Variants in LGR6 observed in about 807,000 individuals in gnomAD.
LGR6 encodes the protein leucine rich repeat containing G protein-coupled receptor 6.
In LGR6, 45 loss-of-function variants were observed where a neutral mutation model predicts 69.4. The ratio of observed to expected loss-of-function variants is 0.65; its 90% CI spans 0.51 to 0.83. The LOEUF (loss-of-function observed/expected upper bound fraction) is 0.83. Among genes scored for constraint, LGR6 ranks in the 40% least tolerant of loss-of-function variants. The probability of loss-of-function intolerance (pLI) is 0.00; values close to 1 mark genes in which losing one functional copy is unlikely to be tolerated. For synonymous variants in LGR6, 538 were observed against 555.0 expected, an observed-to-expected ratio of 0.97 and a Z score of 0.43; for missense variants, 1,108 against 1,246.7, an observed-to-expected ratio of 0.89 and a Z score of 1.68.
In LGR6 at chr1:202,193,836, C is replaced by G. The variant is rs973425226; in HGVS notation, c.-154C>G. On this transcript the variant is annotated 5_prime_UTR_variant, in exon 1 of 18. Transcript: ENST00000367278. ...CTGCCCCTCTCTGACTGCACCGTCC[C>G]GGCGCTCCCACCGCCGCCGCCGCCG... The G allele has an allele frequency of 1.2e-5, 4 of 322,776 alleles. No homozygotes were observed. The highest frequency in any genetic ancestry group is 1.1e-4 in the East Asian group (2 of 18,282). 20.0% of individuals were successfully genotyped at this position (322,776 alleles called of 1,614,324 possible).
Position 202,276,496 on chromosome 1 carries a change from C to T in LGR6, c.619C>T (p.Gln207Ter). The T allele has an allele frequency of 5.0e-6, 8 of 1,614,034 alleles. No individual in the cohort carries two copies. Among genetic ancestry groups the T allele is most frequent in the Non-Finnish European group, 6.8e-6 (8 of 1,179,956 alleles). ...RISHIPDYAF[Q>*]NLTSLVVLHL... ...CAGCCACATCCCCGACTACGCGTTC[C>T]AGAATCTCACCAGCCTTGTGGTGCT... The change falls in exon 5 of 18, where the codon CAG (glutamine) becomes TAG (stop). Residue 207 changes from glutamine (Q) to a stop codon, truncating the protein, a stop_gained. Transcript: ENST00000367278. LOFTEE classifies it high-confidence loss of function.
chr1:202,219,114 C>G (rs1012512611), intron 1 of LGR6, among the ~76,000 whole-genome samples: 1 of 152,218 alleles, frequency 6.6e-6, no homozygotes, highest in Non-Finnish European at 1.5e-5. Flanking sequence ...TACCCCATCA[C>G]CTGCTTCTCT....
intron 4 of LGR6, among the ~76,000 whole-genome samples, chr1:202,274,711 A>G (rs1182443779): frequency 6.6e-6 from 1 of 152,188 alleles, no homozygotes; most frequent in African/African-American, 2.4e-5. Context: ...GGGAGTCCAC[A>G]TTAACACAAA....
chr1:202,301,326 C>G lies in LGR6; in HGVS notation c.929+91C>G. The G allele has an allele frequency of 3.6e-6, 4 of 1,119,128 alleles. No individual in the cohort carries two copies. The East Asian group carries it at 9.6e-5, about 27-fold the overall frequency. The allele number at this position is 1,119,128 out of a possible 1,614,324, so 69.3% of individuals were successfully genotyped here. A position where few individuals can be genotyped will look rare whatever the true frequency, so the allele number is the denominator to read the frequency against. ...TCCTGCCTATCGCCTGCGGATCTCT[C>G]CCTTGCAAGGCACAAGTCCACTGCA... On this transcript the variant is annotated intron_variant, in intron 9 of 17. Transcript: ENST00000367278.
At chr1:202,228,099 C>G (rs1460161574) in intron 3 of LGR6, 92 bp downstream of exon 3, 12 of 817,400 alleles carry the variant, frequency 1.5e-5, no homozygotes, top group Non-Finnish European at 2.4e-5. Flanking sequence ...TGGTTTACCA[C>G]TGACTTGCTT....
At chr1:202,204,358 C>CCAAA (rs1259592717) in intron 1 of LGR6, among the ~76,000 whole-genome samples, 1 of 110,734 alleles carries the variant, frequency 9.0e-6, no homozygotes, top group Non-Finnish European at 1.9e-5. Flanking sequence ...ACACACACCT[C>CCAAA]CACACACACA....
intron 4 of LGR6, among the ~76,000 whole-genome samples, chr1:202,248,257 A>T (rs949875104): frequency 1.3e-5 from 2 of 152,156 alleles, no homozygotes; most frequent in Non-Finnish European, 2.9e-5. Context: ...AGGTGAGGAA[A>T]CCAAGCAGTT....
At chr1:202,225,581 G>A (rs563950981) in intron 2 of LGR6, 87 bp downstream of exon 2, 1 of 1,233,888 alleles carries the variant, frequency 8.1e-7, no homozygotes, top group Non-Finnish European at 1.2e-6. Flanking sequence ...GTGGGGTGGA[G>A]AGAAGAGAAA....
intron 6 of LGR6, among the ~76,000 whole-genome samples, chr1:202,294,818 A>G (rs1667031873): frequency 1.3e-5 from 2 of 152,192 alleles, no homozygotes; most frequent in Non-Finnish European, 2.9e-5. Flanking sequence ...AATCTACCAC[A>G]CTGGATAAGG....
At chr1:202,297,011 G>C (rs575586307) in intron 6 of LGR6, among the ~76,000 whole-genome samples, 1 of 152,182 alleles carries the variant, frequency 6.6e-6, no homozygotes, top group Non-Finnish European at 1.5e-5. Context: ...AAGTGTAAGA[G>C]AAAATAGCTG....
At chr1:202,245,265 T>C (rs550661657) in intron 4 of LGR6, among the ~76,000 whole-genome samples, 81 of 116,858 alleles carry the variant, frequency 6.9e-4, no homozygotes, top group Non-Finnish European at 6.9e-4. Flanking sequence ...GGGAGTTGAT[T>C]ACCACATACG....
At chr1:202,282,349 C>T (rs548068058) in intron 6 of LGR6, among the ~76,000 whole-genome samples, 1 of 152,296 alleles carries the variant, frequency 6.6e-6, no homozygotes, top group South Asian at 2.1e-4. Context: ...CAGTTAGAGA[C>T]AGAGCAGATC....
At chr1:202,237,030 G>A (rs945969485) in intron 4 of LGR6, among the ~76,000 whole-genome samples, 1 of 152,088 alleles carries the variant, frequency 6.6e-6, no homozygotes, top group Admixed American at 6.5e-5. Flanking sequence ...TAGCAGCTGT[G>A]CCACACCCCC....
chr1:202,280,500 AG>A lies in LGR6; in HGVS notation c.645-276del, dbSNP rs1356513038. On this transcript the variant is annotated intron_variant, in intron 5 of 17. Coordinates refer to ENST00000367278, the MANE Select transcript of LGR6 (RefSeq NM_001017403.2). Reference sequence around the variant, plus strand: ...ACATCAGACCTGTCTTCTAGAGCTTAGGGGGAACTTGCTTTAGCCTTGGCCT... The same window carrying A: ...ACATCAGACCTGTCTTCTAGAGCTTAGGGGAACTTGCTTTAGCCTTGGCCT... Among the ~76,000 whole-genome samples the A allele has an allele frequency of 4.6e-5, 7 of 152,286 alleles. No individual in the cohort carries two copies. In the East Asian group the frequency reaches 1.2e-3, roughly 25 times the overall value.
At chr1:202,271,191 G>A (rs924939142) in intron 4 of LGR6, among the ~76,000 whole-genome samples, 2 of 152,094 alleles carry the variant, frequency 1.3e-5, no homozygotes, top group Non-Finnish European at 2.9e-5. Flanking sequence ...CACCCTCTAC[G>A]GGGAGCTGCT....
At position 202,303,227 on chromosome 1, in the gene LGR6, A is replaced by G. The variant is rs376083734; in HGVS notation, c.930-52A>G. 4.6e-6 allele frequency: 6 copies of G among 1,317,062 alleles called. No homozygotes were observed. In the Admixed American group the frequency reaches 5.0e-5, roughly 11 times the overall value. 81.6% of individuals were successfully genotyped at this position (1,317,062 alleles called of 1,614,324 possible). ...ACAAAATGGAGAATTGAGAGTCTTGATGTTGAGATGCTCTGACCCCACCCC... is the reference window on the plus strand; with the variant it reads ...ACAAAATGGAGAATTGAGAGTCTTGGTGTTGAGATGCTCTGACCCCACCCC... On this transcript the variant is annotated intron_variant, in intron 9 of 17. Transcript: ENST00000367278.
chr1:202,235,781 C>A, intron 3 of LGR6, 141 bp from the exon 4 acceptor site: 1 of 681,622 alleles, frequency 1.5e-6, no homozygotes, highest in Non-Finnish European at 2.6e-6. Context: ...GGGAGCTGGA[C>A]CAGACTCTCT....
At chr1:202,212,738 G>A (rs555394986) in intron 1 of LGR6, among the ~76,000 whole-genome samples, 1 of 152,316 alleles carries the variant, frequency 6.6e-6, no homozygotes, top group African/African-American at 2.4e-5. Flanking sequence ...CATCTGCAAA[G>A]GCCGTTTTTT....
intron 6 of LGR6, among the ~76,000 whole-genome samples, chr1:202,292,257 A>G (rs1276988798): frequency 6.6e-6 from 1 of 152,234 alleles, no homozygotes; most frequent in African/African-American, 2.4e-5. Flanking sequence ...CATTTTAAAA[A>G]GATCTTTCCG....
Sources: gnomAD v4.1 joint callset for allele counts (sites outside exome capture counted in the v4.1 genomes callset) on GRCh38, gnomAD v4.1.1 for gene constraint, MANE v1.5 for transcripts, NCBI Gene and HGNC (gene_info 2026-07-23, HGNC 2026-07-21) for gene names.